Variants in TRAPPC13 observed in about 807,000 individuals in gnomAD.
The protein encoded by TRAPPC13 is REV7-interacting novel NHEJ regulator 1.
A neutral mutation model predicts 54.0 loss-of-function variants in TRAPPC13; 39 were observed. The ratio of observed to expected loss-of-function variants is 0.72; its 90% CI spans 0.56 to 0.94. The LOEUF is 0.94. Ranked by LOEUF, TRAPPC13 falls within the 40% of genes least tolerant of loss-of-function variation. The pLI is 0.00. For synonymous variants in TRAPPC13, 148 were observed against 167.7 expected (o/e 0.88, Z 0.91); for missense variants, 386 against 488.1 (o/e 0.79, Z 1.97).
Position 65,664,498 on chromosome 5 carries a change from C to CT in TRAPPC13, c.1147-6_1147-5insT, listed in dbSNP as rs36031543. ...AACTTAGACTCATCTCTCTCTCTCT[C>CT]AATAGAGCATCTCTGGCTTAAGACT... On this transcript the variant is annotated splice_polypyrimidine_tract_variant and splice_region_variant and intron_variant, in intron 12 of 12. Coordinates refer to ENST00000399438, the MANE Select transcript of TRAPPC13 (RefSeq NM_024941.4). 4.4e-6 allele frequency: 7 copies of CT among 1,606,384 alleles called. No homozygotes were observed. Among genetic ancestry groups the CT allele is most frequent in the South Asian group, 1.1e-5 (1 of 89,970 alleles).
chr5:65,646,861 T>C (rs547181545), intron 4 of TRAPPC13, among the ~76,000 whole-genome samples, 194 bp from the exon 5 acceptor site: 107 of 152,000 alleles, frequency 7.0e-4, no homozygotes, highest in South Asian at 3.5e-3. Context: ...TTTTTTGGGG[T>C]TGGGGGGGTG....
At chr5:65,636,141 T>TA in intron 3 of TRAPPC13, 98 bp downstream of exon 3, 3 of 735,760 alleles carry the variant, frequency 4.1e-6, no homozygotes, top group Non-Finnish European at 6.4e-6. Context: ...ATGATACATT[T>TA]ACCTTTTTTT....
At position 65,653,568 on chromosome 5, in the gene TRAPPC13, G is replaced by A. The variant is rs571671650; in HGVS notation, c.546+1023G>A. Among the ~76,000 whole-genome samples, 15 of 152,254 alleles carry A rather than the reference G, an allele frequency of 9.9e-5. No homozygotes were observed. In the South Asian group the frequency reaches 1.9e-3, roughly 19 times the overall value. On this transcript the variant is annotated intron_variant, in intron 7 of 12. Transcript: ENST00000399438. ...GAATGGAATATAGTGAGAATGATAC[G>A]AAAAGATGTGCTGCAAGAGCTCTCG...
intron 6 of TRAPPC13, among the ~76,000 whole-genome samples, chr5:65,652,211 A>C (rs1415478180): frequency 6.6e-6 from 1 of 152,036 alleles, no homozygotes; most frequent in Non-Finnish European, 1.5e-5. Flanking sequence ...ATATAGAAAA[A>C]TACATAAAAT....
At chr5:65,637,848 G>GCCACCA in intron 4 of TRAPPC13, 68 bp downstream of exon 4, 2 of 849,400 alleles carry the variant, frequency 2.4e-6, no homozygotes, top group Non-Finnish European at 3.6e-6. Flanking sequence ...GCCGGGCATG[G>GCCACCA]TGGCTCATGC....
intron 3 of TRAPPC13, among the ~76,000 whole-genome samples, chr5:65,637,369 C>T (rs1047201816): frequency 4.6e-5 from 7 of 152,196 alleles, no homozygotes; most frequent in African/African-American, 7.2e-5. Context: ...CAGTGGCTCA[C>T]GCCTGTAATC....
At chr5:65,626,050 G>A (rs955022827) in intron 1 of TRAPPC13, 3 of 152,018 alleles carry the variant, frequency 2.0e-5, no homozygotes, top group Admixed American at 6.6e-5. Context: ...GTGGAACTTT[G>A]TAATGTTTAG....
chr5:65,649,950 G>A (rs1391845343), intron 5 of TRAPPC13, among the ~76,000 whole-genome samples: 3 of 150,506 alleles, frequency 2.0e-5, no homozygotes, highest in African/African-American at 4.9e-5. Flanking sequence ...TCTGCCTTCC[G>A]GGTTCACGCC....
At chr5:65,654,955 T>C (rs886881158) in intron 7 of TRAPPC13, among the ~76,000 whole-genome samples, 2 of 152,180 alleles carry the variant, frequency 1.3e-5, no homozygotes, top group African/African-American at 2.4e-5. Context: ...CCCACACATA[T>C]AACCCAAATC....
chr5:65,630,077 C>T (rs1479388224), intron 1 of TRAPPC13: 2 of 1,536,082 alleles, frequency 1.3e-6, no homozygotes, highest in Admixed American at 3.9e-5. Flanking sequence ...TTTACACTCA[C>T]TTTATAGAGC....
chr5:65,652,690 T>C (rs1236999344), intron 7 of TRAPPC13, 145 bp downstream of exon 7: 3 of 713,832 alleles, frequency 4.2e-6, no homozygotes, highest in Middle Eastern at 2.7e-4. Context: ...TCAGTTAAAA[T>C]TGAATAATTT....
At chr5:65,662,373 T>G in intron 11 of TRAPPC13, 1 of 224,434 alleles carries the variant, frequency 4.5e-6, no homozygotes, top group East Asian at 6.8e-5. Context: ...TTTCATTCAT[T>G]TGTCACACCC....
intron 1 of TRAPPC13, chr5:65,625,841 T>G (rs1755198459): frequency 6.6e-6 from 1 of 152,234 alleles, no homozygotes; most frequent in African/African-American, 2.4e-5. Flanking sequence ...TGCCTTAATA[T>G]ATGGTTAACA....
intron 1 of TRAPPC13, chr5:65,634,920 CT>C: frequency 1.4e-6 from 1 of 735,664 alleles, no homozygotes; most frequent in Non-Finnish European, 1.6e-6. Flanking sequence ...AAAACACTTA[CT>C]GAGTTTCCAA....
chr5:65,660,841 T>G lies in TRAPPC13; in HGVS notation c.841T>G (p.Trp281Gly), dbSNP rs777655186. 2.5e-6 allele frequency: 4 copies of G among 1,613,574 alleles called. No homozygotes were observed. Among genetic ancestry groups the G allele is most frequent in the Non-Finnish European group, 3.4e-6 (4 of 1,179,694 alleles). Residue 281 changes from tryptophan to glycine, a missense_variant, in exon 10 of 13, where the codon TGG becomes GGG. Physicochemically the swap from Trp to Gly is radical, Grantham distance 184. Coordinates refer to ENST00000399438, the MANE Select transcript of TRAPPC13 (RefSeq NM_024941.4). ...AGTAATTGGAAAATTGGATATAGTA[T>G]GGAAAACAAATCTAGGTGAAAGGGG... ...VTVIGKLDIVWKTNLGERGRL... is the reference protein window; with the variant it reads ...VTVIGKLDIVGKTNLGERGRL...
At chr5:65,629,514 A>G in intron 1 of TRAPPC13, 1 of 1,440,978 alleles carries the variant, frequency 6.9e-7, no homozygotes, top group Non-Finnish European at 9.1e-7. Flanking sequence ...TTGCAATAAT[A>G]AATTAACATT....
chr5:65,650,787 G>C (rs181040050), intron 5 of TRAPPC13, 23 bp from the exon 6 acceptor site: 13 of 1,600,268 alleles, frequency 8.1e-6, no homozygotes, highest in Non-Finnish European at 9.4e-6. Flanking sequence ...ACTCAGAATC[G>C]TTAAGACATC....
At chr5:65,651,448 G>A (rs926448606) in intron 6 of TRAPPC13, among the ~76,000 whole-genome samples, 1 of 152,180 alleles carries the variant, frequency 6.6e-6, no homozygotes, top group Admixed American at 6.5e-5. Context: ...TAAAATGAGT[G>A]TAAAGTCCAG....
chr5:65,637,721 T>C lies in TRAPPC13; in HGVS notation c.241T>C (p.Ser81Pro). ...FGNIFLGETF[S>P]SYISVHNDSN... ...GAATATATTTTTGGGAGAGACCTTT[T>C]CCAGTTATATCAGCGTTCATAATGA... Residue 81 changes from serine to proline, a missense_variant, in exon 4 of 13, where the codon TCC (serine) becomes CCC (proline). Physicochemically the swap from Ser to Pro is moderately conservative, Grantham distance 74. Transcript: ENST00000399438. 1 of 1,572,830 alleles carries C rather than the reference T, an allele frequency of 6.4e-7. No individual in the cohort carries two copies. The highest frequency in any genetic ancestry group is 8.7e-7 in the Non-Finnish European group (1 of 1,154,170).
Sources: gnomAD v4.1 joint callset for allele counts (sites outside exome capture counted in the v4.1 genomes callset) on GRCh38, gnomAD v4.1.1 for gene constraint, MANE v1.5 for transcripts, NCBI Gene and HGNC (gene_info 2026-07-23, HGNC 2026-07-21) for gene names.